The following DDX46 variants were observed in gnomAD, a reference collection of about 807,000 sequenced individuals.
The protein encoded by DDX46 is DEAD-box helicase 46, also known as probable ATP-dependent RNA helicase DDX46.
A neutral mutation model predicts 134.9 loss-of-function variants in DDX46; 30 were observed. That is an observed-to-expected ratio of 0.22 (90% confidence interval 0.17 to 0.30). The LOEUF is 0.30. Ranked by LOEUF, DDX46 falls within the 10% of genes least tolerant of loss-of-function variation. The probability of loss-of-function intolerance (pLI) is 1.00; values close to 1 mark genes in which losing one functional copy is unlikely to be tolerated. For synonymous variants in DDX46, 415 were observed against 404.1 expected (o/e 1.03, Z -0.32); for missense variants, 622 against 1,248.7 (o/e 0.50, Z 7.56).
intron 17 of DDX46, 72 bp from the exon 18 acceptor site, chr5:134,811,624 A>G: frequency 6.8e-7 from 1 of 1,477,502 alleles, no homozygotes; most frequent in Non-Finnish European, 9.1e-7. Context: ...CTTGAAAAAT[A>G]TTTAATTAGT....
intron 5 of DDX46, among the ~76,000 whole-genome samples, chr5:134,776,457 A>G (rs906400693): frequency 2.0e-5 from 3 of 152,048 alleles, no homozygotes; most frequent in African/African-American, 7.2e-5. Flanking sequence ...GAAGTAGATC[A>G]TCTTAAAGGT....
intron 15 of DDX46, 49 bp downstream of exon 15, chr5:134,796,199 A>G: frequency 1.3e-6 from 2 of 1,590,588 alleles, no homozygotes; most frequent in Non-Finnish European, 1.7e-6. Context: ...AGTACTTGCC[A>G]AGCATTGTGC....
chr5:134,801,389 G>GTTTA (rs923014883), intron 15 of DDX46, among the ~76,000 whole-genome samples: 1 of 151,996 alleles, frequency 6.6e-6, no homozygotes, highest in Non-Finnish European at 1.5e-5. Context: ...TTCTTGCATA[G>GTTTA]TTTATTTATT....
At chr5:134,798,372 G>C (rs1281742724) in intron 15 of DDX46, among the ~76,000 whole-genome samples, 1 of 151,850 alleles carries the variant, frequency 6.6e-6, no homozygotes, top group Non-Finnish European at 1.5e-5. Flanking sequence ...CTAATTTTTT[G>C]TGTGTGTTTT....
At chr5:134,804,618 A>G (rs995551264) in intron 15 of DDX46, among the ~76,000 whole-genome samples, 1 of 152,082 alleles carries the variant, frequency 6.6e-6, no homozygotes, top group Non-Finnish European at 1.5e-5. Flanking sequence ...TTTTGTAGAG[A>G]GGGGGCTTTT....
intron 4 of DDX46, among the ~76,000 whole-genome samples, chr5:134,771,575 G>A (rs1377358298): frequency 1.3e-5 from 2 of 150,762 alleles, no homozygotes; most frequent in African/African-American, 2.4e-5. Context: ...GGTGGCAGGC[G>A]CCTGTAGTCC....
At chr5:134,773,662 T>G (rs1050693056) in intron 4 of DDX46, 34 bp from the exon 5 acceptor site, 1 of 1,547,326 alleles carries the variant, frequency 6.5e-7, no homozygotes, top group Non-Finnish European at 8.7e-7. Flanking sequence ...CTTTTTATTT[T>G]CCCCCATCTC....
chr5:134,770,817 A>G, intron 3 of DDX46, 86 bp from the exon 4 acceptor site: 2 of 214,958 alleles, frequency 9.3e-6, no homozygotes, highest in Non-Finnish European at 1.4e-5. Flanking sequence ...ACACTGTCTC[A>G]AAAAAAAAAA....
chr5:134,788,981 T>C (rs1754426238), intron 12 of DDX46, among the ~76,000 whole-genome samples: 1 of 152,228 alleles, frequency 6.6e-6, no homozygotes, highest in Non-Finnish European at 1.5e-5. Flanking sequence ...TTGGCCTGGC[T>C]TTGCTTAGTA....
chr5:134,817,300 C>T (rs184264092), intron 19 of DDX46, 196 bp from the exon 20 acceptor site: 20 of 534,150 alleles, frequency 3.7e-5, no homozygotes, highest in African/African-American at 3.3e-4. Flanking sequence ...TTTTCTTATC[C>T]ACTAGGAGGT....
intron 18 of DDX46, among the ~76,000 whole-genome samples, chr5:134,814,376 G>A (rs573023734): frequency 6.6e-6 from 1 of 151,882 alleles, no homozygotes; most frequent in East Asian, 1.9e-4. Flanking sequence ...TTGTTTCTTC[G>A]GGTGTTAAAG....
chr5:134,799,700 T>C (rs1754769590), intron 15 of DDX46, among the ~76,000 whole-genome samples: 1 of 149,176 alleles, frequency 6.7e-6, no homozygotes, highest in Non-Finnish European at 1.5e-5. Flanking sequence ...ATTGCACCAT[T>C]GCACTCTGGT....
At chr5:134,820,502 A>C (rs1693771516) in intron 21 of DDX46, among the ~76,000 whole-genome samples, 1 of 152,118 alleles carries the variant, frequency 6.6e-6, no homozygotes, top group South Asian at 2.1e-4. Context: ...AGCTGGGACC[A>C]CAGGCATGTG....
At chr5:134,785,399 T>A in intron 10 of DDX46, 66 bp from the exon 11 acceptor site, 1 of 1,474,748 alleles carries the variant, frequency 6.8e-7, no homozygotes, top group Non-Finnish European at 9.0e-7. Flanking sequence ...AAGGTTAAAT[T>A]GAACACTATA....
chr5:134,822,994 T>A (rs1755496729), intron 21 of DDX46, among the ~76,000 whole-genome samples: 1 of 152,120 alleles, frequency 6.6e-6, no homozygotes, highest in African/African-American at 2.4e-5. Context: ...TAATACTGAC[T>A]TTTATATTTA....
chr5:134,802,309 C>T (rs969907636), intron 15 of DDX46, among the ~76,000 whole-genome samples: 2 of 151,774 alleles, frequency 1.3e-5, no homozygotes, highest in Admixed American at 6.6e-5. Context: ...GGATTACAGG[C>T]GTATGCTACC....
intron 3 of DDX46, among the ~76,000 whole-genome samples, chr5:134,767,681 T>C (rs1237322721): frequency 6.6e-6 from 1 of 151,410 alleles, no homozygotes; most frequent in Non-Finnish European, 1.5e-5. Context: ...CCAGGCGCGG[T>C]GGCTGACGCC....
At chr5:134,811,091 G>A in intron 16 of DDX46, 130 bp from the exon 17 acceptor site, 2 of 714,000 alleles carry the variant, frequency 2.8e-6, no homozygotes, top group Non-Finnish European at 4.4e-6. Flanking sequence ...ACTCTTTCGT[G>A]GCTTTTAAAA....
At chr5:134,762,249 C>CAAA (rs748727468) in intron 1 of DDX46, among the ~76,000 whole-genome samples, 7 of 93,402 alleles carry the variant, frequency 7.5e-5, no homozygotes, top group African/African-American at 2.0e-4. Flanking sequence ...CATCTCTACC[C>CAAA]AAAAAAAAAA....
Sources: allele counts gnomAD v4.1 joint callset (sites outside exome capture counted in the v4.1 genomes callset), GRCh38; gene constraint gnomAD v4.1.1; transcripts MANE v1.5; gene names NCBI Gene and HGNC (gene_info 2026-07-23, HGNC 2026-07-21).